Variants in CAMKMT observed in about 807,000 individuals in gnomAD.
CAMKMT encodes calmodulin-lysine N-methyltransferase.
A neutral mutation model predicts 48.0 loss-of-function variants in CAMKMT; 53 were observed. The observed-to-expected ratio is 1.10, with a 90% CI of 0.89 to 1.39. The LOEUF is 1.39. CAMKMT is among the 40% of genes most tolerant of loss of function. The pLI is 0.00. For missense variants in CAMKMT, 428 were observed against 402.7 expected (o/e 1.06, Z -0.54); for synonymous variants, 165 against 152.3 (o/e 1.08, Z -0.61).
At chr2:44,540,962 C>T (rs1667075577) in intron 3 of CAMKMT, among the ~76,000 whole-genome samples, 2 of 152,100 alleles carry the variant, frequency 1.3e-5, no homozygotes, top group South Asian at 4.1e-4. Context: ...CATCATTTAC[C>T]AAAAAGTTCA....
At chr2:44,396,106 C>T (rs1681815496) in intron 3 of CAMKMT, among the ~76,000 whole-genome samples, 1 of 151,946 alleles carries the variant, frequency 6.6e-6, no homozygotes, top group South Asian at 2.1e-4. Context: ...CTCCTATATA[C>T]TATATGCCAA....
At chr2:44,386,813 T>A (rs1405621649) in intron 2 of CAMKMT, among the ~76,000 whole-genome samples, 1 of 152,122 alleles carries the variant, frequency 6.6e-6, no homozygotes, top group Non-Finnish European at 1.5e-5. Flanking sequence ...TTTTCATATA[T>A]TTGCATGGTT....
At chr2:44,693,969 G>A (rs1676797138) in intron 3 of CAMKMT, among the ~76,000 whole-genome samples, 1 of 152,170 alleles carries the variant, frequency 6.6e-6, no homozygotes, top group African/African-American at 2.4e-5. Flanking sequence ...TGCTTCGATG[G>A]ACATCAGCTG....
intron 3 of CAMKMT, among the ~76,000 whole-genome samples, chr2:44,630,351 C>A (rs1398048525): frequency 6.6e-6 from 1 of 152,126 alleles, no homozygotes; most frequent in Admixed American, 6.5e-5. Flanking sequence ...GACTTCATGT[C>A]TAAAACACCA....
intron 3 of CAMKMT, among the ~76,000 whole-genome samples, chr2:44,483,345 T>A (rs1199523947): frequency 6.6e-6 from 1 of 152,108 alleles, no homozygotes; most frequent in African/African-American, 2.4e-5. Context: ...TATTAAACTT[T>A]ACTATTTTTG....
rs567030150 is a variant in CAMKMT, at chr2:44,632,423, C to T, written c.377-71860C>T. 6.6e-5 allele frequency among the ~76,000 whole-genome samples: 10 copies of T among 152,068 alleles called. No homozygotes were observed. The South Asian group carries it at 8.3e-4, about 13-fold the overall frequency. ...GTTTATTTTTCAAAATAAATTTCATCGTATGTATTTGAGGTTTACAACATG... is the reference window on the plus strand; with the variant it reads ...GTTTATTTTTCAAAATAAATTTCATTGTATGTATTTGAGGTTTACAACATG... On this transcript the variant is annotated intron_variant, in intron 3 of 10. Transcript: ENST00000378494.
At position 44,538,740 on chromosome 2, in the gene CAMKMT, C is replaced by A. The variant is rs566877966; in HGVS notation, c.376+148435C>A. On this transcript the variant is annotated intron_variant, in intron 3 of 10. Transcript: ENST00000378494. ...CCACTGTGGAATTCAACCATGTAAC[C>A]AAAAACCACTTGTACCCCCAAAGCT... Among the ~76,000 whole-genome samples the A allele has an allele frequency of 2.4e-4, 36 of 151,606 alleles. No homozygotes were observed. In the South Asian group the frequency reaches 3.8e-3, roughly 16 times the overall value.
At position 44,619,484 on chromosome 2, in the gene CAMKMT, T is replaced by C. The variant is rs189189514; in HGVS notation, c.377-84799T>C. Among the ~76,000 whole-genome samples the C allele has an allele frequency of 5.3e-5, 8 of 150,928 alleles. No individual in the cohort carries two copies. The East Asian group carries it at 1.6e-3, about 29-fold the overall frequency. On this transcript the variant is annotated intron_variant, in intron 3 of 10. Transcript: ENST00000378494. Reference sequence around the variant, plus strand: ...GTGTGTATATATATATATATATGCATCTGCAAACACATATGTGTGTGTATA... The same window carrying C: ...GTGTGTATATATATATATATATGCACCTGCAAACACATATGTGTGTGTATA...
chr2:44,532,913 A>G (rs971103904), intron 3 of CAMKMT, among the ~76,000 whole-genome samples: 1 of 151,902 alleles, frequency 6.6e-6, no homozygotes, highest in Non-Finnish European at 1.5e-5. Context: ...CCCAGGTTCA[A>G]GCGATTCTCC....
intron 7 of CAMKMT, among the ~76,000 whole-genome samples, chr2:44,717,252 CATCTTCATCTCATACTA>C (rs1313729409): frequency 1.3e-5 from 2 of 151,828 alleles, no homozygotes; most frequent in African/African-American, 4.8e-5. Context: ...CTTTTTTTGT[CATCTTCATCTCATACTA>C]ATTGTGGTCA....
chr2:44,534,591 T>G (rs1331125888), intron 3 of CAMKMT, among the ~76,000 whole-genome samples: 1 of 152,100 alleles, frequency 6.6e-6, no homozygotes, highest in Non-Finnish European at 1.5e-5. Context: ...ATTTGAAAAC[T>G]ATACAAATAT....
intron 3 of CAMKMT, among the ~76,000 whole-genome samples, chr2:44,395,893 C>T (rs1223683361): frequency 1.3e-5 from 2 of 152,008 alleles, no homozygotes; most frequent in South Asian, 4.1e-4. Context: ...TGTAAAGCTA[C>T]ACAATTAAAA....
At chr2:44,577,396 A>G (rs1402206633) in intron 3 of CAMKMT, among the ~76,000 whole-genome samples, 1 of 152,170 alleles carries the variant, frequency 6.6e-6, no homozygotes, top group African/African-American at 2.4e-5. Flanking sequence ...AGGCAGGAAG[A>G]TCGTTTAAGT....
rs528402326 is a variant in CAMKMT, at chr2:44,391,322, G to A, written c.376+1017G>A. Among the ~76,000 whole-genome samples, 8 of 152,162 alleles carry A rather than the reference G, an allele frequency of 5.3e-5. No individual in the cohort carries two copies. The South Asian group carries it at 1.7e-3, about 32-fold the overall frequency. On this transcript the variant is annotated intron_variant, in intron 3 of 10. Transcript: ENST00000378494. ...AATTATCCTAAATACCTAAAATAAT[G>A]TAGGTTTCTTTTTTATGGATAGTGA...
intron 9 of CAMKMT, among the ~76,000 whole-genome samples, chr2:44,764,168 A>G (rs1192888154): frequency 6.6e-6 from 1 of 152,166 alleles, no homozygotes; most frequent in Non-Finnish European, 1.5e-5. Flanking sequence ...AGCTGACAGA[A>G]CCTTAAGTGT....
At chr2:44,489,916 A>G (rs1043053110) in intron 3 of CAMKMT, among the ~76,000 whole-genome samples, 1 of 151,938 alleles carries the variant, frequency 6.6e-6, no homozygotes, top group Non-Finnish European at 1.5e-5. Flanking sequence ...TGAAGCCCAA[A>G]CCTCAGTATT....
At chr2:44,454,709 T>A (rs959469547) in intron 3 of CAMKMT, among the ~76,000 whole-genome samples, 1 of 152,160 alleles carries the variant, frequency 6.6e-6, no homozygotes, top group Non-Finnish European at 1.5e-5. Context: ...GCCCCAAACC[T>A]AATATAGCAA....
chr2:44,436,216 C>T (rs1050624583), intron 3 of CAMKMT, among the ~76,000 whole-genome samples: 5 of 152,096 alleles, frequency 3.3e-5, no homozygotes, highest in South Asian at 2.1e-4. Context: ...ACTGGGACTA[C>T]GGATGTGCGC....
intron 3 of CAMKMT, among the ~76,000 whole-genome samples, chr2:44,459,598 A>G (rs1388469033): frequency 6.6e-6 from 1 of 152,240 alleles, no homozygotes; most frequent in Non-Finnish European, 1.5e-5. Context: ...TTAAAATTAC[A>G]GTTAAAAAAT....
Sources: gnomAD v4.1 joint callset for allele counts (sites outside exome capture counted in the v4.1 genomes callset) on GRCh38, gnomAD v4.1.1 for gene constraint, MANE v1.5 for transcripts, NCBI Gene and HGNC (gene_info 2026-07-23, HGNC 2026-07-21) for gene names.